The following FNDC7 variants were observed in gnomAD, a reference collection of about 807,000 sequenced individuals.
FNDC7 encodes the protein fibronectin type III domain-containing protein 7.
A neutral mutation model predicts 74.2 loss-of-function variants in FNDC7; 66 were observed. That is an observed-to-expected ratio of 0.89 (90% CI 0.73 to 1.09). The LOEUF is 1.09. FNDC7 is among the 50% of genes least tolerant of loss of function. The probability of loss-of-function intolerance (pLI) is 0.00; values close to 1 mark genes in which losing one functional copy is unlikely to be tolerated. For missense variants in FNDC7, 829 were observed against 893.4 expected (o/e 0.93, Z 0.92); for synonymous variants, 307 against 330.2 (o/e 0.93, Z 0.76).
chr1:108,731,681 G>A (rs1436374757), intron 9 of FNDC7, among the ~76,000 whole-genome samples: 3 of 152,198 alleles, frequency 2.0e-5, no homozygotes, highest in Admixed American at 2.0e-4. Flanking sequence ...ATTCTAATAA[G>A]CTGTGTTGCC....
At chr1:108,729,540 T>C (rs928789890) in intron 8 of FNDC7, among the ~76,000 whole-genome samples, 1 of 150,564 alleles carries the variant, frequency 6.6e-6, no homozygotes, top group African/African-American at 2.5e-5. Context: ...TAGAGTGAGA[T>C]TCCGTCACAA....
chr1:108,740,029 TAA>T lies in FNDC7; in HGVS notation c.2171-1724_2171-1723del, dbSNP rs34183498. Among the ~76,000 whole-genome samples, 819 of 109,198 alleles carry T rather than the reference TAA, an allele frequency of 7.5e-3. 14 individuals are homozygous for T. Among genetic ancestry groups the T allele is most frequent in the African/African-American group, 0.024 (663 of 27,722 alleles). The allele number at this position is 109,198 out of a possible 152,430, so 71.6% of individuals were successfully genotyped here. Reference sequence around the variant, plus strand: ...CCCCCTGCCCTCAACGCCATCTCTCTAAAAAAAAAAAAAAAAAAAAATCCCGC... The same window carrying T: ...CCCCCTGCCCTCAACGCCATCTCTCTAAAAAAAAAAAAAAAAAAATCCCGC... On this transcript the variant is annotated intron_variant, in intron 11 of 12. Transcript: ENST00000370017.
intron 10 of FNDC7, 94 bp downstream of exon 10, chr1:108,733,626 C>A (rs1661445910): frequency 8.3e-7 from 1 of 1,202,908 alleles, no homozygotes; most frequent in Non-Finnish European, 1.2e-6. Flanking sequence ...GTATGAAGGG[C>A]ACAGAGGGTA....
At chr1:108,730,117 G>T (rs572567791) in intron 8 of FNDC7, among the ~76,000 whole-genome samples, 123 of 152,244 alleles carry the variant, frequency 8.1e-4, no homozygotes, top group Admixed American at 2.2e-3. Flanking sequence ...GGTGGCTCAT[G>T]CCTGTAATCC....
intron 2 of FNDC7, 131 bp from the exon 3 acceptor site, chr1:108,717,646 A>T (rs1661002140): frequency 1.1e-6 from 1 of 935,562 alleles, no homozygotes; most frequent in Admixed American, 2.6e-5. Flanking sequence ...TTTTTCCTTG[A>T]TCTGAATAAT....
intron 4 of FNDC7, among the ~76,000 whole-genome samples, chr1:108,721,463 C>T (rs964922411): frequency 9.9e-5 from 15 of 151,622 alleles, no homozygotes; most frequent in African/African-American, 3.1e-4. Flanking sequence ...AGCGAGGCTC[C>T]GTCTCAAAAA....
chr1:108,714,273 C>T (rs1660928434), intron 2 of FNDC7, among the ~76,000 whole-genome samples: 1 of 152,166 alleles, frequency 6.6e-6, no homozygotes, highest in Non-Finnish European at 1.5e-5. Flanking sequence ...ATTTTGTCTA[C>T]ACCACAGAAA....
intron 4 of FNDC7, among the ~76,000 whole-genome samples, chr1:108,720,302 AAAG>A (rs1459076810): frequency 1.3e-5 from 2 of 152,178 alleles, no homozygotes; most frequent in Non-Finnish European, 2.9e-5. Context: ...CCCTCCATTC[AAAG>A]AATGGACTAT....
intron 5 of FNDC7, among the ~76,000 whole-genome samples, chr1:108,724,938 G>A (rs1381333539): frequency 2.0e-5 from 3 of 151,702 alleles, no homozygotes; most frequent in South Asian, 4.2e-4. Context: ...AAAATTAGTT[G>A]GGCATGGTGG....
intron 6 of FNDC7, 110 bp downstream of exon 6, chr1:108,726,114 C>T: frequency 7.4e-7 from 1 of 1,343,710 alleles, no homozygotes; most frequent in Non-Finnish European, 1.0e-6. Context: ...CATTCTAGAG[C>T]CAAGAACAGA....
rs1661012836 is a variant in FNDC7, at chr1:108,717,911, G to A, written c.217G>A (p.Val73Met). The A allele has an allele frequency of 1.3e-6, 2 of 1,551,600 alleles. 1 individual carries two copies. Among genetic ancestry groups the A allele is most frequent in the Admixed American group, 3.9e-5 (2 of 50,986 alleles). Residue 73 changes from valine (V) to methionine (M), a missense_variant, in exon 3 of 13, where the codon GTG (valine) becomes ATG (methionine). Val to Met is a conservative substitution (Grantham distance 21). Coordinates refer to ENST00000370017, the MANE Select transcript of FNDC7 (RefSeq NM_001144937.3). ...EDGDTVIETT[V>M]ANSPGTVTGL... is the part of the protein sequence containing the mutation. ...CGGGGACACAGTCATTGAAACCACG[G>A]TGGCCAATTCCCCAGGCACTGTGAC... is the stretch of plus-strand genomic sequence containing the variant.
intron 6 of FNDC7, 109 bp from the exon 7 acceptor site, chr1:108,727,699 C>A: frequency 7.4e-7 from 1 of 1,342,644 alleles, no homozygotes; most frequent in Non-Finnish European, 1.0e-6. Context: ...CTGTAGTCAT[C>A]AGGGAGGGCA....
Position 108,733,281 on chromosome 1 carries a change from G to T in FNDC7, c.1889G>T (p.Cys630Phe). Residue 630 changes from cysteine (C) to phenylalanine (F), a missense_variant, in exon 10 of 13, where the codon TGC becomes TTC. Physicochemically the swap from Cys to Phe is radical, Grantham distance 205. Transcript: ENST00000370017. ...TATTTTTATTGCCTAGGTGCCTGCT[G>T]CCCTTTGGGGGTGAAATTATATAGG... ...SYQSYFSGAC[C>F]PLGVKLYRLG... The T allele has an allele frequency of 6.2e-7, 1 of 1,607,768 alleles. No individual in the cohort carries two copies. Among genetic ancestry groups the T allele is most frequent in the East Asian group, 2.2e-5 (1 of 44,646 alleles).
Position 108,718,929 on chromosome 1 carries a change from A to G in FNDC7, c.478A>G (p.Thr160Ala). 6.4e-7 allele frequency: 1 copy of G among 1,551,794 alleles called. No individual in the cohort carries two copies. The highest frequency in any genetic ancestry group is 8.7e-7 in the Non-Finnish European group (1 of 1,147,020). Residue 160 changes from threonine (T) to alanine (A), a missense_variant, in exon 4 of 13, where the codon ACT becomes GCT. Transcript: ENST00000370017. ...CTTGGGGAGTATATGGAAAGAGAAT[A>G]CTACAAACACCTCCTTGACATTCAC... is the stretch of plus-strand genomic sequence containing the variant. ...NGLGSIWKEN[T>A]TNTSLTFTSL... is the part of the protein sequence containing the mutation.
chr1:108,717,290 C>T (rs1371667301), intron 2 of FNDC7, among the ~76,000 whole-genome samples: 2 of 152,070 alleles, frequency 1.3e-5, no homozygotes, highest in Non-Finnish European at 2.9e-5. Context: ...AGAGAGTGAC[C>T]GCAGCCACTG....
At chr1:108,727,741 A>G in intron 6 of FNDC7, 67 bp from the exon 7 acceptor site, 4 of 1,578,006 alleles carry the variant, frequency 2.5e-6, no homozygotes, top group Non-Finnish European at 3.4e-6. Flanking sequence ...GGAGGTCAGG[A>G]CACAGTGTAC....
chr1:108,737,412 T>G (rs1329846625), intron 10 of FNDC7, 83 bp from the exon 11 acceptor site: 1 of 1,303,924 alleles, frequency 7.7e-7, no homozygotes, highest in East Asian at 2.5e-5. Context: ...ACTTTCCTTT[T>G]ATTCTTTCTT....
Position 108,728,855 on chromosome 1 carries a change from C to A in FNDC7, c.1593C>A (p.Ser531Arg). Reference sequence around the variant, plus strand: ...TGGCCGAAACACAGGCAGGACGGAGCCTGCCCAGCTACAGTGTGCCCCTGG... The same window carrying A: ...TGGCCGAAACACAGGCAGGACGGAGACTGCCCAGCTACAGTGTGCCCCTGG... ...TAVAETQAGR[S>R]LPSYSVPLET... Residue 531 changes from serine (S) to arginine (R), a missense_variant, in exon 8 of 13, where the codon AGC (serine) becomes AGA (arginine). Physicochemically the swap from Ser to Arg is moderately radical, Grantham distance 110 (BLOSUM62 -1). Transcript: ENST00000370017. 6.2e-7 allele frequency: 1 copy of A among 1,614,206 alleles called. No individual in the cohort carries two copies. Among genetic ancestry groups the A allele is most frequent in the Non-Finnish European group, 8.5e-7 (1 of 1,180,032 alleles).
intron 11 of FNDC7, among the ~76,000 whole-genome samples, chr1:108,741,405 A>G (rs1010517010): frequency 6.6e-6 from 1 of 152,168 alleles, no homozygotes; most frequent in Non-Finnish European, 1.5e-5. Context: ...CTTAGCAGCT[A>G]AACAGGTTTA....
Sources: gnomAD v4.1 joint callset for allele counts (sites outside exome capture counted in the v4.1 genomes callset) on GRCh38, gnomAD v4.1.1 for gene constraint, MANE v1.5 for transcripts, NCBI Gene and HGNC (gene_info 2026-07-23, HGNC 2026-07-21) for gene names.